Variants in CACNB2 observed in about 807,000 individuals in gnomAD.
The protein encoded by CACNB2 is voltage-dependent L-type calcium channel subunit beta-2.
CACNB2 carries 42 observed loss-of-function variants against 73.3 expected under a neutral mutation model. That is an observed-to-expected ratio of 0.57 (90% confidence interval 0.45 to 0.74). The LOEUF (loss-of-function observed/expected upper bound fraction) is 0.74, where lower values mean the gene tolerates loss of function less well. Ranked by LOEUF, CACNB2 falls within the 30% of genes least tolerant of loss-of-function variation. The pLI, the probability that CACNB2 is intolerant of heterozygous loss-of-function variation, is 0.00. For synonymous variants in CACNB2, 348 were observed against 310.3 expected (o/e 1.12, Z -1.28); for missense variants, 940 against 853.0 (o/e 1.10, Z -1.27).
chr10:18,151,447 C>G (rs1478347740), intron 2 of CACNB2, among the ~76,000 whole-genome samples: 1 of 152,082 alleles, frequency 6.6e-6, no homozygotes, highest in African/African-American at 2.4e-5. Flanking sequence ...ACAGAACATG[C>G]AGTATCACTG....
At position 18,527,391 on chromosome 10, in the gene CACNB2, A is replaced by G. The variant is rs567378445; in HGVS notation, c.945-197A>G. ...GACTCTGTCTCAAAACAAACAAAAA[A>G]CAAAGTAAGGCAGGTGCAAGATAAA... is the stretch of plus-strand genomic sequence containing the variant. On this transcript the variant is annotated intron_variant, in intron 9 of 13. Coordinates refer to ENST00000324631, the MANE Select transcript of CACNB2 (RefSeq NM_201596.3). Among the ~76,000 whole-genome samples, 4 of 151,788 alleles carry G rather than the reference A, an allele frequency of 2.6e-5. No individual in the cohort carries two copies. In the South Asian group the frequency reaches 8.3e-4, roughly 32 times the overall value.
At chr10:18,206,324 C>T (rs1484919702) in intron 2 of CACNB2, 1 of 152,284 alleles carries the variant, frequency 6.6e-6, no homozygotes, top group Non-Finnish European at 1.5e-5. Flanking sequence ...AGACACATAG[C>T]TGTATCTCCT....
At chr10:18,414,483 C>CT (rs11384501) in intron 3 of CACNB2, among the ~76,000 whole-genome samples, 19,972 of 129,848 alleles carry the variant, frequency 0.15, 2,575 homozygotes, top group African/African-American at 0.33. Context: ...TTACTACTAC[C>CT]TTTTTTTTTT....
intron 4 of CACNB2, among the ~76,000 whole-genome samples, chr10:18,499,436 T>C (rs1386804360): frequency 6.6e-6 from 1 of 151,694 alleles, no homozygotes; most frequent in East Asian, 1.9e-4. Context: ...GCCAACATGG[T>C]GAACCCCGTC....
chr10:18,173,234 A>T (rs2033371894), intron 2 of CACNB2, among the ~76,000 whole-genome samples: 1 of 152,212 alleles, frequency 6.6e-6, no homozygotes, highest in Non-Finnish European at 1.5e-5. Flanking sequence ...GGCCTATCTT[A>T]TAAAGCTATT....
intron 3 of CACNB2, among the ~76,000 whole-genome samples, chr10:18,412,128 A>G (rs2044666260): frequency 6.6e-6 from 1 of 152,076 alleles, no homozygotes; most frequent in South Asian, 2.1e-4. Flanking sequence ...TAGGGTTCGC[A>G]TGCTGGTCCC....
chr10:18,251,715 T>C (rs905617001), intron 2 of CACNB2, among the ~76,000 whole-genome samples: 2 of 152,208 alleles, frequency 1.3e-5, no homozygotes, highest in Admixed American at 6.5e-5. Context: ...AGAAAACTTA[T>C]AATCATGGCA....
intron 3 of CACNB2, among the ~76,000 whole-genome samples, chr10:18,424,375 G>T (rs531994604): frequency 7.2e-5 from 11 of 152,180 alleles, no homozygotes; most frequent in Middle Eastern, 3.4e-3. Flanking sequence ...GGGGCTATTC[G>T]TGCAGAAATC....
rs139793231 is a variant in CACNB2, at chr10:18,354,977, CACAA to C, written c.214-46944_214-46941del. Among the ~76,000 whole-genome samples the C allele has an allele frequency of 8.9e-3, 1,352 of 152,278 alleles. 19 individuals are homozygous for C. Among genetic ancestry groups the C allele is most frequent in the African/African-American group, 0.03 (1,255 of 41,542 alleles). ...CTTTGCTTCCTGATGGTTCAACGTACACAAACTTTGTTTCATGCACAAAATTATT... is the reference window on the plus strand; with the variant it reads ...CTTTGCTTCCTGATGGTTCAACGTACACTTTGTTTCATGCACAAAATTATT... On this transcript the variant is annotated intron_variant, in intron 2 of 13. Coordinates refer to ENST00000324631, the MANE Select transcript of CACNB2 (RefSeq NM_201596.3).
rs901992652 is a variant in CACNB2 at position 18,502,276 on chromosome 10, C to T, written c.593+1328C>T. On this transcript the variant is annotated intron_variant, in intron 5 of 13. Transcript: ENST00000324631. ...GAGCCCAGATTCGTGCCACTGCATT[C>T]CAGCCTGGGCGACAGAGTGAGACTC... 3.3e-5 allele frequency among the ~76,000 whole-genome samples: 5 copies of T among 151,144 alleles called. 1 individual carries two copies. The South Asian group carries it at 8.5e-4, about 26-fold the overall frequency.
At chr10:18,288,913 C>G (rs1223009811) in intron 2 of CACNB2, among the ~76,000 whole-genome samples, 1 of 152,102 alleles carries the variant, frequency 6.6e-6, no homozygotes, top group African/African-American at 2.4e-5. Flanking sequence ...GGCATGGCAG[C>G]ACATGCCTGT....
chr10:18,190,096 C>A (rs1165701725), intron 2 of CACNB2, among the ~76,000 whole-genome samples: 2 of 152,102 alleles, frequency 1.3e-5, no homozygotes, highest in Admixed American at 1.3e-4. Flanking sequence ...TCTCTTACCC[C>A]CGAAGCCCTT....
rs1437236682 is a variant in CACNB2 at position 18,292,981 on chromosome 10, C to G, written c.214-108943C>G. Among the ~76,000 whole-genome samples the G allele has an allele frequency of 3.9e-5, 6 of 152,114 alleles. No homozygotes were observed. The East Asian group carries it at 9.6e-4, about 24-fold the overall frequency. On this transcript the variant is annotated intron_variant, in intron 2 of 13. Transcript: ENST00000324631. The stretch of plus-strand genomic sequence containing the variant: ...AATAATGTAGGAAAAATAAATAATT[C>G]CATCTTTTTGGTCAAGAGATAACGT...
intron 2 of CACNB2, among the ~76,000 whole-genome samples, chr10:18,318,287 A>G (rs2040269748): frequency 6.6e-6 from 1 of 152,188 alleles, no homozygotes; most frequent in Admixed American, 6.5e-5. Flanking sequence ...ATATAGACCA[A>G]TGGAATAGAA....
At chr10:18,453,448 T>C (rs1407216579) in intron 3 of CACNB2, among the ~76,000 whole-genome samples, 8 of 152,200 alleles carry the variant, frequency 5.3e-5, no homozygotes, top group African/African-American at 1.4e-4. Flanking sequence ...GAGCTCTTTC[T>C]GTCCCTCCAT....
At chr10:18,373,311 A>G (rs1475408718) in intron 2 of CACNB2, among the ~76,000 whole-genome samples, 3 of 152,254 alleles carry the variant, frequency 2.0e-5, no homozygotes, top group Admixed American at 6.5e-5. Flanking sequence ...TCTGAACTCA[A>G]TGCTGATTTG....
rs2036361539 is a variant in CACNB2, at chr10:18,234,673, G to A, written c.213+83698G>A. 5.3e-5 allele frequency among the ~76,000 whole-genome samples: 8 copies of A among 152,312 alleles called. No individual in the cohort carries two copies. In the South Asian group the frequency reaches 1.0e-3, roughly 20 times the overall value. On this transcript the variant is annotated intron_variant, in intron 2 of 13. Transcript: ENST00000324631. Reference sequence around the variant, plus strand: ...TGAGGTACGTAGAGAAGACAAATACGTAGAAATAGAAGGTAGAATGGTGGT... The same window carrying A: ...TGAGGTACGTAGAGAAGACAAATACATAGAAATAGAAGGTAGAATGGTGGT...
chr10:18,359,889 G>T (rs1342325899), intron 2 of CACNB2, among the ~76,000 whole-genome samples: 2 of 151,938 alleles, frequency 1.3e-5, no homozygotes, highest in Admixed American at 6.6e-5. Flanking sequence ...TATGCTTATT[G>T]CTGTCGTGAG....
chr10:18,292,945 G>A (rs932823170), intron 2 of CACNB2, among the ~76,000 whole-genome samples: 1 of 152,020 alleles, frequency 6.6e-6, no homozygotes, highest in African/African-American at 2.4e-5. Flanking sequence ...TCATCATTAT[G>A]GTTTTTTGGC....
Sources: gnomAD v4.1 joint callset for allele counts (sites outside exome capture counted in the v4.1 genomes callset) on GRCh38, gnomAD v4.1.1 for gene constraint, MANE v1.5 for transcripts, NCBI Gene and HGNC (gene_info 2026-07-23, HGNC 2026-07-21) for gene names.